Variants in ABCG2 observed in about 807,000 individuals in gnomAD.
ABCG2 encodes ATP binding cassette subfamily G member 2 (JR blood group).
A neutral mutation model predicts 73.5 loss-of-function variants in ABCG2; 80 were observed. That is an observed-to-expected ratio of 1.09 (90% CI 0.91 to 1.31). ABCG2 has a LOEUF of 1.31. Among genes scored for constraint, ABCG2 ranks in the 50% most tolerant of loss-of-function variants. ABCG2 has a pLI of 0.00. For synonymous variants in ABCG2, 269 were observed against 282.4 expected, an observed-to-expected ratio of 0.95 and a Z score of 0.48; for missense variants, 796 against 786.2, an observed-to-expected ratio of 1.01 and a Z score of -0.15.
chr4:88,135,040 T>C (rs1163383472), intron 2 of ABCG2, among the ~76,000 whole-genome samples: 1 of 152,198 alleles, frequency 6.6e-6, no homozygotes, highest in East Asian at 1.9e-4. Flanking sequence ...CTAGGGCTGC[T>C]TTCATGCTAC....
Position 88,091,744 on chromosome 4 carries a change from T to C in ABCG2, c.*490A>G, listed in dbSNP as rs1441029498. ...AAGATTTTTTTTCTATCACGGTGGC[T>C]TTTTTTACCCTATAAGACAGAATCT... On this transcript the variant is annotated 3_prime_UTR_variant, in exon 16 of 16. Coordinates refer to ENST00000237612, the MANE Select transcript of ABCG2 (RefSeq NM_004827.3). The C allele has an allele frequency of 6.6e-6, 1 of 152,400 alleles. No homozygotes were observed. Among genetic ancestry groups the C allele is most frequent in the Non-Finnish European group, 1.5e-5 (1 of 68,216 alleles). 9.4% of individuals were successfully genotyped at this position (152,400 alleles called of 1,614,324 possible).
intron 9 of ABCG2, among the ~76,000 whole-genome samples, chr4:88,112,851 T>A (rs1205035917): frequency 6.6e-6 from 1 of 152,186 alleles, no homozygotes; most frequent in African/African-American, 2.4e-5. Context: ...GGCTCACACC[T>A]GTAATCCTAG....
intron 1 of ABCG2, among the ~76,000 whole-genome samples, chr4:88,167,730 T>G (rs1727597892): frequency 6.6e-6 from 1 of 152,158 alleles, no homozygotes; most frequent in Non-Finnish European, 1.5e-5. Flanking sequence ...CTTTACAATC[T>G]TGATATGTTA....
intron 1 of ABCG2, among the ~76,000 whole-genome samples, chr4:88,142,094 A>T (rs530298481): frequency 9.2e-4 from 140 of 152,208 alleles, no homozygotes; most frequent in African/African-American, 3.2e-3. Context: ...AGGGGGAAAA[A>T]ATCTCCTAAT....
At chr4:88,141,412 C>T (rs766171035) in intron 1 of ABCG2, among the ~76,000 whole-genome samples, 3 of 152,202 alleles carry the variant, frequency 2.0e-5, no homozygotes, top group African/African-American at 4.8e-5. Flanking sequence ...AGAAATGAGT[C>T]GGCTTACTGA....
In ABCG2 at chr4:88,107,178, A is replaced by T; in HGVS notation, c.1277+6T>A. 1 of 1,599,458 alleles carries T rather than the reference A, an allele frequency of 6.3e-7. No homozygotes were observed. Among genetic ancestry groups the T allele is most frequent in the Non-Finnish European group, 8.5e-7 (1 of 1,170,296 alleles). On this transcript the variant is annotated splice_donor_region_variant and intron_variant, in intron 10 of 15. Transcript: ENST00000237612. ...TTTCTGAAAATCAAGATCCAAATTTACTTACCTGTTCTGGATTCCAGTAGA... is the reference window on the plus strand; with the variant it reads ...TTTCTGAAAATCAAGATCCAAATTTTCTTACCTGTTCTGGATTCCAGTAGA...
intron 1 of ABCG2, among the ~76,000 whole-genome samples, chr4:88,226,238 C>CGA (rs1730206967): frequency 2.6e-5 from 4 of 152,222 alleles, no homozygotes. Flanking sequence ...TTGCACTTCC[C>CGA]AGCTTGAAGC....
intron 2 of ABCG2, among the ~76,000 whole-genome samples, chr4:88,136,044 G>A (rs1560701763): frequency 6.6e-6 from 1 of 151,998 alleles, no homozygotes; most frequent in Non-Finnish European, 1.5e-5. Context: ...GATGAGAATT[G>A]GAGAAATTAA....
intron 10 of ABCG2, among the ~76,000 whole-genome samples, chr4:88,105,013 T>C (rs1419690781): frequency 3.9e-5 from 6 of 152,152 alleles, no homozygotes; most frequent in African/African-American, 2.4e-5. Flanking sequence ...GATCCTGTGA[T>C]ATATTCTGTG....
intron 10 of ABCG2, among the ~76,000 whole-genome samples, chr4:88,106,641 T>C (rs1239574155): frequency 2.0e-5 from 3 of 152,212 alleles, no homozygotes; most frequent in East Asian, 3.9e-4. Context: ...TATTGCTTAA[T>C]GGGTACAGAT....
intron 1 of ABCG2, among the ~76,000 whole-genome samples, chr4:88,223,403 G>A (rs552956921): frequency 7.2e-5 from 11 of 152,214 alleles, no homozygotes; most frequent in African/African-American, 1.2e-4. Context: ...AATCATGAGG[G>A]CAGTTACCTT....
chr4:88,132,667 T>A (rs1017672462), intron 2 of ABCG2, 32 bp from the exon 3 acceptor site: 1 of 1,610,918 alleles, frequency 6.2e-7, no homozygotes, highest in Admixed American at 1.7e-5. Flanking sequence ...GATTTACTAT[T>A]CCATTTTAAG....
chr4:88,116,101 A>G (rs561068086), intron 7 of ABCG2, among the ~76,000 whole-genome samples: 1 of 152,204 alleles, frequency 6.6e-6, no homozygotes, highest in Non-Finnish European at 1.5e-5. Context: ...AGGCTGAGGC[A>G]CAAGAATTGC....
chr4:88,225,932 C>T (rs1366659450), intron 1 of ABCG2, among the ~76,000 whole-genome samples: 1 of 152,068 alleles, frequency 6.6e-6, no homozygotes, highest in Non-Finnish European at 1.5e-5. Flanking sequence ...CTTATAAAAC[C>T]ATCAGATCTT....
At chr4:88,129,496 A>G (rs1283617266) in intron 5 of ABCG2, among the ~76,000 whole-genome samples, 3 of 152,228 alleles carry the variant, frequency 2.0e-5, no homozygotes, top group Non-Finnish European at 4.4e-5. Flanking sequence ...TGGCTGCCTG[A>G]AGGTAAAGAA....
intron 1 of ABCG2, among the ~76,000 whole-genome samples, chr4:88,141,898 A>G (rs1725675441): frequency 6.6e-6 from 1 of 152,174 alleles, no homozygotes; most frequent in African/African-American, 2.4e-5. Context: ...AAATTAAAAG[A>G]CAGACTCTCA....
At chr4:88,142,725 T>C (rs376991585) in intron 1 of ABCG2, among the ~76,000 whole-genome samples, 1 of 152,100 alleles carries the variant, frequency 6.6e-6, no homozygotes, top group South Asian at 2.1e-4. Context: ...GGCAGGCAGA[T>C]CACTTGAACG....
intron 1 of ABCG2, among the ~76,000 whole-genome samples, chr4:88,144,237 T>G (rs935486791): frequency 3.3e-5 from 5 of 152,204 alleles, no homozygotes; most frequent in Non-Finnish European, 4.4e-5. Context: ...AGCCTTCAAA[T>G]GGCTTTACAC....
chr4:88,117,785 A>G (rs1315015703), intron 7 of ABCG2, among the ~76,000 whole-genome samples: 1 of 152,240 alleles, frequency 6.6e-6, no homozygotes, highest in Non-Finnish European at 1.5e-5. Context: ...TGTTCAAGTG[A>G]CAGAATAAAT....
Sources: allele counts gnomAD v4.1 joint callset (sites outside exome capture counted in the v4.1 genomes callset), GRCh38; gene constraint gnomAD v4.1.1; transcripts MANE v1.5; gene names NCBI Gene and HGNC (gene_info 2026-07-23, HGNC 2026-07-21).